Variants in MBTPS1 observed in about 807,000 individuals in gnomAD.
MBTPS1 encodes the protein membrane bound transcription factor peptidase, site 1.
MBTPS1 carries 94 observed loss-of-function variants against 127.8 expected under a neutral mutation model. The ratio of observed to expected loss-of-function variants is 0.74; its 90% confidence interval spans 0.62 to 0.87. The LOEUF is 0.87. MBTPS1 is among the 40% of genes least tolerant of loss of function. MBTPS1 has a pLI of 0.00. For missense variants in MBTPS1, 1,636 were observed against 1,353.2 expected (o/e 1.21, Z -3.28); for synonymous variants, 632 against 509.4 (o/e 1.24, Z -3.24).
rs77910981 is a variant in MBTPS1 at position 84,054,232 on chromosome 16, G to C, written c.*217C>G. ...GGCGGGAAGTCTCACTGGCGGCAGA[G>C]CCACTAAGTCCCTCCTGACGGGATC... On this transcript the variant is annotated 3_prime_UTR_variant, in exon 23 of 23. Coordinates refer to ENST00000343411, the MANE Select transcript of MBTPS1 (RefSeq NM_003791.4). The C allele has an allele frequency of 7.7e-6, 3 of 388,104 alleles. No individual in the cohort carries two copies. In the East Asian group the frequency reaches 1.2e-4, roughly 15 times the overall value. 24.0% of individuals were successfully genotyped at this position (388,104 alleles called of 1,614,324 possible).
At chr16:84,100,813 C>G (rs1360259175) in intron 2 of MBTPS1, among the ~76,000 whole-genome samples, 1 of 152,064 alleles carries the variant, frequency 6.6e-6, no homozygotes. Flanking sequence ...GGAAAACAAA[C>G]TTAAGCAAAG....
At chr16:84,073,685 A>C (rs1461574340) in intron 12 of MBTPS1, among the ~76,000 whole-genome samples, 1 of 152,104 alleles carries the variant, frequency 6.6e-6, no homozygotes, top group Non-Finnish European at 1.5e-5. Flanking sequence ...TTAAAAAAAA[A>C]AGACCGTATC....
Position 84,085,070 on chromosome 16 carries a change from C to A in MBTPS1, c.1199G>T (p.Gly400Val). 6.2e-7 allele frequency: 1 copy of A among 1,614,166 alleles called. No individual in the cohort carries two copies. The highest frequency in any genetic ancestry group is 8.5e-7 in the Non-Finnish European group (1 of 1,180,032). ...CCGGCACCCCCCTTTCACGCCAGAA[C>A]CCCGCACGCCAGCACCATAGGTGAC... ...DIVTYGAGVR[G>V]SGVKGGCRAL... Residue 400 changes from glycine to valine, a missense_variant, in exon 10 of 23, where the codon GGT (glycine) becomes GTT (valine). Coordinates refer to ENST00000343411, the MANE Select transcript of MBTPS1 (RefSeq NM_003791.4).
rs939493685 is a variant in MBTPS1 at position 84,078,090 on chromosome 16, G to A, written c.1449-3349C>T. Among the ~76,000 whole-genome samples, 26 of 143,396 alleles carry A rather than the reference G, an allele frequency of 1.8e-4. No individual in the cohort carries two copies. In the East Asian group the frequency reaches 3.7e-3, roughly 21 times the overall value. 94.1% of individuals were successfully genotyped at this position (143,396 alleles called of 152,430 possible). A position where few individuals can be genotyped will look rare whatever the true frequency, so the allele number is the denominator to read the frequency against. The stretch of plus-strand genomic sequence containing the variant: ...CTGTCAGTGAGGCTTTGGGGAAACC[G>A]GCACTCACGCACACTGCTCACGCAA... On this transcript the variant is annotated intron_variant, in intron 11 of 22. Transcript: ENST00000343411.
In MBTPS1 at chr16:84,055,993, C is replaced by A. The variant is rs748478279; in HGVS notation, c.2962+12G>T. On this transcript the variant is annotated intron_variant, in intron 22 of 22. Transcript: ENST00000343411. ...ATGACTGAGCACAATCACAAAGCAG[C>A]CGAGAACTCACCTCCAGGAATGTCC... is the stretch of plus-strand genomic sequence containing the variant. 4 of 1,607,678 alleles carry A rather than the reference C, an allele frequency of 2.5e-6. 1 individual carries two copies. In the African/African-American group the frequency reaches 4.0e-5, roughly 16 times the overall value.
intron 10 of MBTPS1, among the ~76,000 whole-genome samples, chr16:84,084,611 T>C (rs1193365511): frequency 2.1e-4 from 32 of 152,234 alleles, no homozygotes; most frequent in Admixed American, 2.0e-3. Flanking sequence ...GGAGGATATA[T>C]GGCAGGGAAA....
At chr16:84,105,894 G>C (rs2086317258) in intron 1 of MBTPS1, among the ~76,000 whole-genome samples, 1 of 152,130 alleles carries the variant, frequency 6.6e-6, no homozygotes, top group Admixed American at 6.5e-5. Flanking sequence ...AAATACCATA[G>C]AAATCTCTGA....
Position 84,085,043 on chromosome 16 carries a change from G to T in MBTPS1, c.1226C>A (p.Ala409Asp). Residue 409 changes from alanine (A) to aspartate (D), a missense_variant, in exon 10 of 23, where the codon GCC (alanine) becomes GAC (aspartate). Physicochemically the swap from Ala to Asp is moderately radical, Grantham distance 126 (BLOSUM62 -2). Transcript: ENST00000343411. ...RGSGVKGGCR[A>D]LSGTSVASPV... ...AGAAGCAACACTGGTCCCTGAGAGG[G>T]CCCGGCACCCCCCTTTCACGCCAGA... The T allele has an allele frequency of 6.2e-7, 1 of 1,614,186 alleles. No homozygotes were observed. Among genetic ancestry groups the T allele is most frequent in the Non-Finnish European group, 8.5e-7 (1 of 1,180,038 alleles).
chr16:84,107,423 C>T (rs1002691232), intron 1 of MBTPS1, among the ~76,000 whole-genome samples: 27 of 152,242 alleles, frequency 1.8e-4, no homozygotes, highest in Admixed American at 1.4e-3. Context: ...AGGACACACC[C>T]CCTTGCTGTG....
At chr16:84,057,931 G>A (rs190967532) in intron 21 of MBTPS1, 1 of 152,212 alleles carries the variant, frequency 6.6e-6, no homozygotes, top group African/African-American at 2.4e-5. Context: ...ACAACACTGT[G>A]GAGAATAATT....
chr16:84,069,045 T>C (rs1382921002), intron 14 of MBTPS1, among the ~76,000 whole-genome samples: 3 of 152,196 alleles, frequency 2.0e-5, no homozygotes, highest in Admixed American at 2.0e-4. Context: ...GTCTATGAAC[T>C]TCCCACCACT....
chr16:84,066,134 C>G (rs116245670), intron 17 of MBTPS1, among the ~76,000 whole-genome samples: 77 of 152,300 alleles, frequency 5.1e-4, no homozygotes, highest in African/African-American at 1.8e-3. Context: ...AAACCAGCTA[C>G]CAAAACCTTA....
intron 4 of MBTPS1, among the ~76,000 whole-genome samples, chr16:84,095,292 A>G (rs898458759): frequency 5.9e-5 from 9 of 152,220 alleles, no homozygotes; most frequent in African/African-American, 2.2e-4. Context: ...GTATGTGTCA[A>G]TAGGAGAGAA....
intron 20 of MBTPS1, chr16:84,060,316 A>G (rs776851344): frequency 3.9e-5 from 7 of 178,510 alleles, no homozygotes; most frequent in Non-Finnish European, 7.1e-5. Flanking sequence ...GGAGCATCCC[A>G]GCCTGCTGCA....
Position 84,099,073 on chromosome 16 carries a change from C to G in MBTPS1, c.401G>C (p.Arg134Pro), listed in dbSNP as rs761436859. 6.2e-7 allele frequency: 1 copy of G among 1,614,088 alleles called. No individual in the cohort carries two copies. The highest frequency in any genetic ancestry group is 8.5e-7 in the Non-Finnish European group (1 of 1,180,008). The change falls in exon 3 of 23, where the codon CGT becomes CCT. Residue 134 changes from arginine to proline, a missense_variant. Physicochemically the swap from Arg to Pro is moderately radical, Grantham distance 103 (BLOSUM62 -2). Transcript: ENST00000343411. ...CTCACATTCAGCATACTTGAGGGAA[C>G]GAAAGACTTTTCGTTGGGGCGTGAC... ...KRVTPQRKVF[R>P]SLKYAESDPT...
chr16:84,060,473 G>C, intron 20 of MBTPS1: 1 of 537,646 alleles, frequency 1.9e-6, no homozygotes, highest in Non-Finnish European at 3.3e-6. Context: ...TGCACACTGG[G>C]TCCTCGATCA....
At chr16:84,084,932 G>A (rs749848896) in intron 10 of MBTPS1, 51 bp downstream of exon 10, 1 of 1,581,314 alleles carries the variant, frequency 6.3e-7, no homozygotes, top group Admixed American at 1.7e-5. Flanking sequence ...CTGGCACCGA[G>A]TGCTCCTGTC....
At chr16:84,079,711 TAAGA>T (rs2085912020) in intron 11 of MBTPS1, among the ~76,000 whole-genome samples, 1 of 152,016 alleles carries the variant, frequency 6.6e-6, no homozygotes, top group African/African-American at 2.4e-5. Context: ...TCTCTGTAAA[TAAGA>T]AATAAATAAA....
At chr16:84,093,609 C>T in intron 5 of MBTPS1, 102 bp downstream of exon 5, 1 of 869,726 alleles carries the variant, frequency 1.1e-6, no homozygotes, top group Admixed American at 2.0e-5. Context: ...ACAATAACAC[C>T]TTGGGCTTGT....
Sources: allele counts gnomAD v4.1 joint callset (sites outside exome capture counted in the v4.1 genomes callset), GRCh38; gene constraint gnomAD v4.1.1; transcripts MANE v1.5; gene names NCBI Gene and HGNC (gene_info 2026-07-23, HGNC 2026-07-21).